The following ERG variants were observed in gnomAD, a reference collection of about 807,000 sequenced individuals.
The protein encoded by ERG is ETS transcription factor ERG.
ERG carries 9 observed loss-of-function variants against 55.3 expected under a neutral mutation model. The observed-to-expected ratio is 0.16, with a 90% confidence interval of 0.10 to 0.28. ERG has a LOEUF of 0.28. Ranked by LOEUF, ERG falls within the 10% of genes least tolerant of loss-of-function variation. ERG has a pLI of 1.00. For missense variants in ERG, 434 were observed against 631.6 expected (o/e 0.69, Z 3.35); for synonymous variants, 223 against 237.3 (o/e 0.94, Z 0.55).
chr21:38,605,714 AC>A (rs1406969440), intron 1 of ERG, among the ~76,000 whole-genome samples: 2 of 152,194 alleles, frequency 1.3e-5, no homozygotes, highest in South Asian at 2.1e-4. Context: ...AAAGACTGGA[AC>A]CTTTCCTAGC....
chr21:38,564,226 G>A lies in ERG; in HGVS notation c.-41+11436C>T, dbSNP rs114520240. 9.3e-3 allele frequency among the ~76,000 whole-genome samples: 1,408 copies of A among 152,144 alleles called. 30 individuals carry two copies. Among genetic ancestry groups the A allele is most frequent in the African/African-American group, 0.032 (1,324 of 41,484 alleles). ...TTGTCGGTGGGTTTTACGATAAGAT[G>A]TACTTTCTTTTATATCTATTAAACA... On this transcript the variant is annotated intron_variant, in intron 2 of 8. Coordinates refer to the ERG transcript ENST00000398897.
intron 1 of ERG, among the ~76,000 whole-genome samples, chr21:38,640,628 A>G (rs932980191): frequency 9.2e-5 from 14 of 152,112 alleles, no homozygotes; most frequent in African/African-American, 1.7e-4. Context: ...GCCATGTAAG[A>G]TGTGCCTTTC....
At position 38,382,504 on chromosome 21, in the gene ERG, C is replaced by G. The variant is rs1987494524; in HGVS notation, c.*899G>C. ...TGCGCATTTTTGTTTCTGAATTCTACTACTTCCCCTTTCTCCATTACGCTG... is the reference window on the plus strand; with the variant it reads ...TGCGCATTTTTGTTTCTGAATTCTAGTACTTCCCCTTTCTCCATTACGCTG... On this transcript the variant is annotated 3_prime_UTR_variant, in exon 10 of 10. Coordinates refer to ENST00000288319, the MANE Select transcript of ERG (RefSeq NM_182918.4). 9.4e-7 allele frequency: 1 copy of G among 1,065,006 alleles called. No homozygotes were observed. Among genetic ancestry groups the G allele is most frequent in the African/African-American group, 1.6e-5 (1 of 61,128 alleles). 66.0% of individuals were successfully genotyped at this position (1,065,006 alleles called of 1,614,324 possible). A position where few individuals can be genotyped will look rare whatever the true frequency, so the allele number is the denominator to read the frequency against.
chr21:38,573,541 CAT>C (rs1216916327), intron 2 of ERG, among the ~76,000 whole-genome samples: 3 of 152,342 alleles, frequency 2.0e-5, no homozygotes, highest in African/African-American at 7.2e-5. Flanking sequence ...TGGAGAGAAA[CAT>C]ACATCTGGCC....
chr21:38,625,325 A>G (rs1476821016), intron 1 of ERG, among the ~76,000 whole-genome samples: 1 of 152,200 alleles, frequency 6.6e-6, no homozygotes, highest in Non-Finnish European at 1.5e-5. Flanking sequence ...GAACAGAGTT[A>G]TTTGGTCTAC....
At chr21:38,505,684 G>A (rs114787503) in intron 2 of ERG, among the ~76,000 whole-genome samples, 24 of 152,252 alleles carry the variant, frequency 1.6e-4, no homozygotes, top group African/African-American at 5.3e-4. Flanking sequence ...CCCACTGCGC[G>A]GTTGCCTGGT....
intron 2 of ERG, among the ~76,000 whole-genome samples, chr21:38,561,343 C>A (rs976836891): frequency 6.6e-6 from 1 of 152,078 alleles, no homozygotes; most frequent in African/African-American, 2.4e-5. Flanking sequence ...GGACATTGTG[C>A]CCTGAAGGTG....
In ERG at chr21:38,553,125, G is replaced by A. The variant is rs184858891; in HGVS notation, c.-41+22537C>T. On this transcript the variant is annotated intron_variant, in intron 2 of 8. Coordinates refer to the ERG transcript ENST00000398897. Reference sequence around the variant, plus strand: ...AAAAAATACAATACTTAAGGGTACAGATAACTGGGGAGTGAAAATCTCTAT... The same window carrying A: ...AAAAAATACAATACTTAAGGGTACAAATAACTGGGGAGTGAAAATCTCTAT... Among the ~76,000 whole-genome samples, 443 of 152,116 alleles carry A rather than the reference G, an allele frequency of 2.9e-3. 4 individuals carry two copies. The highest frequency in any genetic ancestry group is 0.01 in the African/African-American group (417 of 41,530).
intron 2 of ERG, among the ~76,000 whole-genome samples, chr21:38,526,190 T>C (rs1039464502): frequency 7.2e-5 from 11 of 152,168 alleles, no homozygotes; most frequent in African/African-American, 1.9e-4. Flanking sequence ...AGGACAGGGA[T>C]TGCCCATCAA....
At chr21:38,539,890 G>A (rs975014587) in intron 2 of ERG, among the ~76,000 whole-genome samples, 1 of 140,382 alleles carries the variant, frequency 7.1e-6, no homozygotes, top group Admixed American at 7.3e-5. Context: ...TCTCCAACAC[G>A]TGATTTTTTT....
At chr21:38,480,583 T>C (rs1443225501) in intron 1 of ERG, among the ~76,000 whole-genome samples, 1 of 135,460 alleles carries the variant, frequency 7.4e-6, no homozygotes, top group South Asian at 2.6e-4. Flanking sequence ...TTTAGGGCAC[T>C]ATATGGCCTT....
chr21:38,594,412 T>C (rs915912539), intron 1 of ERG, among the ~76,000 whole-genome samples: 15 of 152,188 alleles, frequency 9.9e-5, no homozygotes, highest in Admixed American at 7.2e-4. Context: ...TGCATCTATA[T>C]AGAATTTTCC....
chr21:38,430,870 C>G (rs2836387), intron 2 of ERG, among the ~76,000 whole-genome samples: 54,531 of 152,046 alleles, frequency 0.36, 10,394 homozygotes, highest in Middle Eastern at 0.44. Flanking sequence ...CTGCAGCAAT[C>G]TCACACTTTT....
chr21:38,538,026 G>C (rs895050684), intron 2 of ERG, among the ~76,000 whole-genome samples: 4 of 152,156 alleles, frequency 2.6e-5, no homozygotes, highest in Non-Finnish European at 4.4e-5. Flanking sequence ...GGAAAGTTAA[G>C]AGATTGTCTT....
At chr21:38,580,761 T>C (rs1568928518) in intron 1 of ERG, among the ~76,000 whole-genome samples, 1 of 152,066 alleles carries the variant, frequency 6.6e-6, no homozygotes, top group East Asian at 1.9e-4. Context: ...TCTAACCACA[T>C]AAAAAAGATG....
chr21:38,593,211 T>C (rs74695840), intron 1 of ERG, among the ~76,000 whole-genome samples: 7,453 of 152,240 alleles, frequency 0.049, 600 homozygotes, highest in African/African-American at 0.17. Context: ...GGGGCCCCCC[T>C]GTAAAAACGA....
At chr21:38,488,329 C>T (rs2059305543) in intron 1 of ERG, among the ~76,000 whole-genome samples, 1 of 152,114 alleles carries the variant, frequency 6.6e-6, no homozygotes, top group Non-Finnish European at 1.5e-5. Flanking sequence ...TCCGTGTGTA[C>T]AGTGTGTAAA....
chr21:38,524,309 A>T (rs1311799988), intron 2 of ERG, among the ~76,000 whole-genome samples: 1 of 152,258 alleles, frequency 6.6e-6, no homozygotes, highest in Non-Finnish European at 1.5e-5. Context: ...CTATAAACAA[A>T]GAATAAATTC....
chr21:38,459,363 A>G (rs1227934296), intron 1 of ERG, among the ~76,000 whole-genome samples: 1 of 152,226 alleles, frequency 6.6e-6, no homozygotes, highest in Non-Finnish European at 1.5e-5. Flanking sequence ...ACAGTTTTCC[A>G]ATGTAAGATT....
Sources: allele counts gnomAD v4.1 joint callset (sites outside exome capture counted in the v4.1 genomes callset), GRCh38; gene constraint gnomAD v4.1.1; transcripts MANE v1.5; gene names NCBI Gene and HGNC (gene_info 2026-07-23, HGNC 2026-07-21).